TIAM2: variants seen among roughly 807,000 people sequenced by gnomAD.
TIAM2 encodes TIAM Rac1 associated GEF 2.
A neutral mutation model predicts 152.9 loss-of-function variants in TIAM2; 80 were observed. The observed-to-expected ratio is 0.52, with a 90% CI of 0.44 to 0.63. The LOEUF is 0.63. Ranked by LOEUF, TIAM2 falls within the 30% of genes least tolerant of loss-of-function variation. The pLI, the probability that TIAM2 is intolerant of heterozygous loss-of-function variation, is 0.00. For missense variants in TIAM2, 1,965 were observed against 2,120.1 expected (o/e 0.93, Z 1.44); for synonymous variants, 804 against 838.0 (o/e 0.96, Z 0.70).
At chr6:155,123,221 A>G (rs1779214722) in intron 2 of TIAM2, among the ~76,000 whole-genome samples, 1 of 151,544 alleles carries the variant, frequency 6.6e-6, no homozygotes, top group Admixed American at 6.6e-5. Flanking sequence ...TTGACCCAAC[A>G]TTGCACATTT....
intron 14 of TIAM2, among the ~76,000 whole-genome samples, chr6:155,201,807 A>G (rs1284057935): frequency 1.3e-5 from 2 of 152,234 alleles, no homozygotes; most frequent in Non-Finnish European, 2.9e-5. Context: ...TGCTATTAAG[A>G]AACATTTACT....
chr6:155,235,645 G>C (rs751896496), intron 15 of TIAM2, among the ~76,000 whole-genome samples: 12 of 152,200 alleles, frequency 7.9e-5, no homozygotes, highest in Non-Finnish European at 1.3e-4. Context: ...TTGGTCCCAA[G>C]TAATCCTCAC....
At chr6:155,002,780 G>A (rs147081164) in intron 1 of TIAM2, among the ~76,000 whole-genome samples, 2 of 151,656 alleles carry the variant, frequency 1.3e-5, no homozygotes, top group East Asian at 1.9e-4. Flanking sequence ...TCCAGGGTTC[G>A]AGCAGTTCTC....
chr6:155,144,027 G>A lies in TIAM2; in HGVS notation c.1631-579G>A, dbSNP rs531496519. 2.2e-4 allele frequency among the ~76,000 whole-genome samples: 34 copies of A among 152,248 alleles called. 1 individual carries two copies. Among genetic ancestry groups the A allele is most frequent in the Admixed American group, 2.6e-4 (4 of 15,292 alleles). On this transcript the variant is annotated intron_variant, in intron 5 of 26. Transcript: ENST00000682666. Reference sequence around the variant, plus strand: ...CTTATGTAAAGTGCTGGATGATTACGTGATTGACAGTTCCCCTGCCTGCTC... The same window carrying A: ...CTTATGTAAAGTGCTGGATGATTACATGATTGACAGTTCCCCTGCCTGCTC...
intron 9 of TIAM2, among the ~76,000 whole-genome samples, chr6:155,173,420 T>G (rs1197298823): frequency 6.6e-6 from 1 of 152,192 alleles, no homozygotes; most frequent in African/African-American, 2.4e-5. Flanking sequence ...ATAGGATTAT[T>G]TCTTTTGTCC....
At chr6:155,240,494 C>G (rs757726319) in intron 15 of TIAM2, 36 bp from the exon 16 acceptor site, 1 of 1,573,286 alleles carries the variant, frequency 6.4e-7, no homozygotes, top group Non-Finnish European at 8.7e-7. Flanking sequence ...CAGGGAGAGG[C>G]CCGTGCATTA....
chr6:155,228,138 C>G (rs529328106), intron 15 of TIAM2, among the ~76,000 whole-genome samples: 2 of 152,154 alleles, frequency 1.3e-5, no homozygotes, highest in Non-Finnish European at 2.9e-5. Context: ...GCAGAGCTGT[C>G]CTAAGCAAAG....
intron 1 of TIAM2, among the ~76,000 whole-genome samples, chr6:155,071,728 C>G (rs1183952899): frequency 6.6e-6 from 1 of 152,010 alleles, no homozygotes. Flanking sequence ...AACCCCATCT[C>G]TACTAAAAAC....
At chr6:155,097,157 G>T (rs1778433033) in intron 2 of TIAM2, among the ~76,000 whole-genome samples, 1 of 152,116 alleles carries the variant, frequency 6.6e-6, no homozygotes, top group African/African-American at 2.4e-5. Flanking sequence ...CTTCCTTTGA[G>T]AAATATCAGT....
intron 1 of TIAM2, among the ~76,000 whole-genome samples, chr6:155,016,577 A>G (rs1778591628): frequency 6.6e-6 from 1 of 152,070 alleles, no homozygotes; most frequent in Non-Finnish European, 1.5e-5. Context: ...TTTAAATGGT[A>G]TTTACATTTA....
At chr6:155,070,574 T>C (rs1777817794) in intron 1 of TIAM2, among the ~76,000 whole-genome samples, 1 of 152,164 alleles carries the variant, frequency 6.6e-6, no homozygotes, top group South Asian at 2.1e-4. Flanking sequence ...CCTTTAATCC[T>C]ATACCATGTA....
rs1779370346 is a variant in TIAM2, at chr6:155,129,092, C to T, written c.-6-126C>T. The T allele has an allele frequency of 1.2e-6, 1 of 834,900 alleles. No individual in the cohort carries two copies. Among genetic ancestry groups the T allele is most frequent in the Admixed American group, 2.7e-5 (1 of 37,036 alleles). 51.7% of individuals were successfully genotyped at this position (834,900 alleles called of 1,614,324 possible). On this transcript the variant is annotated intron_variant, in intron 3 of 26. Transcript: ENST00000682666. This position sits in a 1 kb window ranked among gnomAD's most constrained non-coding sequence, Gnocchi z 4.8. ...TTCTACTGACTGACTCTTGTCCCTA[C>T]TCCTCTGAGTCCTTCCAGGCACTGA...
At chr6:154,997,136 A>G (rs1778227866) in intron 1 of TIAM2, among the ~76,000 whole-genome samples, 1 of 152,126 alleles carries the variant, frequency 6.6e-6, no homozygotes, top group Admixed American at 6.6e-5. Context: ...AGAAGTTGTT[A>G]TTTCCAGACC....
chr6:155,185,378 C>T (rs1781016925), intron 14 of TIAM2, among the ~76,000 whole-genome samples: 1 of 152,004 alleles, frequency 6.6e-6, no homozygotes, highest in Non-Finnish European at 1.5e-5. Context: ...CCACCCTCCT[C>T]AGCCTCCCAA....
At chr6:155,167,202 T>C (rs1262484802) in intron 9 of TIAM2, among the ~76,000 whole-genome samples, 2 of 150,466 alleles carry the variant, frequency 1.3e-5, no homozygotes, top group Non-Finnish European at 2.9e-5. Context: ...GATTTTAAAA[T>C]TGTGGTTCTA....
In TIAM2 at chr6:155,183,494, G is replaced by A. The variant is rs1419956137; in HGVS notation, c.3058G>A (p.Ala1020Thr). 1.2e-6 allele frequency: 2 copies of A among 1,611,906 alleles called. No individual in the cohort carries two copies. The highest frequency in any genetic ancestry group is 3.3e-5 in the Admixed American group (2 of 59,758). The stretch of plus-strand genomic sequence containing the variant: ...CCTGGATAACTTTAAAAAGAATACA[G>A]CCAATGGTAAGGCTTTGTTCTGTCT... ...EFLDNFKKNT[A>T]NDFSNVPDIT... Residue 1020 changes from alanine to threonine, a missense_variant, in exon 14 of 27, where the codon GCC becomes ACC. This residue lies in a region of TIAM2 where 935 missense variants were observed against 980.0 expected (regional missense o/e 0.95). Transcript: ENST00000682666.
Position 155,025,919 on chromosome 6 carries a change from G to A in TIAM2, c.-209+30427G>A, listed in dbSNP as rs138894503. Among the ~76,000 whole-genome samples the A allele has an allele frequency of 6.4e-3, 967 of 151,544 alleles. 3 individuals are homozygous for A. The highest frequency in any genetic ancestry group is 0.011 in the Non-Finnish European group (742 of 67,914). On this transcript the variant is annotated intron_variant, in intron 1 of 26. Coordinates refer to ENST00000682666, the MANE Select transcript of TIAM2 (RefSeq NM_012454.4). ...GGAAACATTTGGATGCTTCGGAAAGGTGTTGTTGAGCAGTGGGACAAAAGC... is the reference window on the plus strand; with the variant it reads ...GGAAACATTTGGATGCTTCGGAAAGATGTTGTTGAGCAGTGGGACAAAAGC...
Position 155,183,141 on chromosome 6 carries a change from G to A in TIAM2, c.2801-96G>A, listed in dbSNP as rs572081182. 5.3e-5 allele frequency: 78 copies of A among 1,468,486 alleles called. No homozygotes were observed. The South Asian group carries it at 6.9e-4, about 13-fold the overall frequency. 91.0% of individuals were successfully genotyped at this position (1,468,486 alleles called of 1,614,324 possible). A position where few individuals can be genotyped will look rare whatever the true frequency, so the allele number is the denominator to read the frequency against. ...AAGCAACAAACAAAACAGTCCCTAC[G>A]AGTACATGGTTTGAGTTTGCAGCCT... On this transcript the variant is annotated intron_variant, in intron 13 of 26. Transcript: ENST00000682666.
chr6:155,053,517 G>A (rs905281893), intron 1 of TIAM2, among the ~76,000 whole-genome samples: 41 of 145,062 alleles, frequency 2.8e-4, no homozygotes, highest in African/African-American at 1.0e-3. Flanking sequence ...CGTCGTCCAG[G>A]CTGGAGTGCA....
Sources: gnomAD v4.1 joint callset for allele counts (sites outside exome capture counted in the v4.1 genomes callset) on GRCh38, gnomAD v4.1.1 for gene constraint, gnomAD v4.1.1 regional missense constraint, Gnocchi (gnomAD v3.1) non-coding constraint, MANE v1.5 for transcripts, NCBI Gene and HGNC (gene_info 2026-07-23, HGNC 2026-07-21) for gene names.